Variants in UBR4 observed in about 807,000 individuals in gnomAD.
UBR4 encodes E3 ubiquitin-protein ligase UBR4.
A neutral mutation model predicts 575.6 loss-of-function variants in UBR4; 124 were observed. The observed-to-expected ratio is 0.22, with a 90% confidence interval of 0.19 to 0.25. The LOEUF is 0.25. Among genes scored for constraint, UBR4 ranks in the 10% least tolerant of loss-of-function variants. The pLI, the probability that UBR4 is intolerant of heterozygous loss-of-function variation, is 1.00. For missense variants in UBR4, 4,818 were observed against 6,478.8 expected, an observed-to-expected ratio of 0.74 and a Z score of 8.80; for synonymous variants, 2,455 against 2,473.7, an observed-to-expected ratio of 0.99 and a Z score of 0.22.
rs778766025 is a variant in UBR4 at position 19,174,993 on chromosome 1, T to C, written c.2814A>G (p.Pro938=). 1.1e-5 allele frequency: 18 copies of C among 1,614,016 alleles called. No homozygotes were observed. Among genetic ancestry groups the C allele is most frequent in the Middle Eastern group, 3.3e-4 (2 of 6,060 alleles). The change falls in exon 21 of 106, where the codon CCA becomes CCG. Residue 938 remains proline, a synonymous_variant. Coordinates refer to ENST00000375254, the MANE Select transcript of UBR4 (RefSeq NM_020765.3). ...GGTTCAAATCATCCTCTGAGGCTTCTGGGGACAGGACACAGTAGAATCTGG... is the reference window on the plus strand; with the variant it reads ...GGTTCAAATCATCCTCTGAGGCTTCCGGGGACAGGACACAGTAGAATCTGG... ...PHPRFYCVLS[P]EASEDDLNRL...
At chr1:19,085,453 CG>C (rs1395370674) in intron 101 of UBR4, among the ~76,000 whole-genome samples, 2 of 152,180 alleles carry the variant, frequency 1.3e-5, no homozygotes, top group African/African-American at 2.4e-5. Context: ...ACCTGGGAGG[CG>C]GAGGCTGCAG....
At chr1:19,158,124 C>T (rs1255791743) in intron 39 of UBR4, 127 bp from the exon 40 acceptor site, 3 of 945,718 alleles carry the variant, frequency 3.2e-6, no homozygotes, top group Non-Finnish European at 4.7e-6. Flanking sequence ...TTTCGGCCTC[C>T]AAACCGTGGA....
chr1:19,157,667 G>T lies in UBR4; in HGVS notation c.5760+148C>A. 9.8e-7 allele frequency: 1 copy of T among 1,022,174 alleles called. No individual in the cohort carries two copies. The highest frequency in any genetic ancestry group is 1.4e-6 in the Non-Finnish European group (1 of 720,908). The allele number at this position is 1,022,174 out of a possible 1,614,324, so 63.3% of individuals were successfully genotyped here. A position where few individuals can be genotyped will look rare whatever the true frequency, so the allele number is the denominator to read the frequency against. ...AATTCAGGGTTCAAGTATTTGAAAA[G>T]CTCAACAAGATCTGTCCCTGAAGCA... On this transcript the variant is annotated intron_variant, in intron 40 of 105. Coordinates refer to ENST00000375254, the MANE Select transcript of UBR4 (RefSeq NM_020765.3). The surrounding 1 kb of genome is among the most constrained non-coding windows in gnomAD (Gnocchi z 4.4).
In UBR4 at chr1:19,105,855, G is replaced by T. The variant is rs774445449; in HGVS notation, c.12394-13C>A. On this transcript the variant is annotated splice_polypyrimidine_tract_variant and intron_variant, in intron 83 of 105. Transcript: ENST00000375254. ...GAGTGAAAAGCACCTGCAGGACAGG[G>T]GAGAGAAGGGGTCGTAGACTCAGAG... The T allele has an allele frequency of 3.2e-6, 5 of 1,563,034 alleles. No individual in the cohort carries two copies. In the African/African-American group the frequency reaches 6.9e-5, roughly 21 times the overall value.
rs927610353 is a variant in UBR4, at chr1:19,161,095, G to A, written c.5228C>T (p.Ser1743Leu). ...SSGMSSTMKE[S>L]AFQSEPRISE... ...AATCCTGGGTTCACTCTGAAATGCC[G>A]ACTCCTTCATGGTAGAGCTCATGCC... Residue 1743 changes from serine (S) to leucine (L), a missense_variant, in exon 38 of 106, where the codon TCG (serine) becomes TTG (leucine). By Grantham distance (145) the Ser-to-Leu change is moderately radical. Transcript: ENST00000375254. 5.6e-6 allele frequency: 9 copies of A among 1,614,068 alleles called. No homozygotes were observed. The highest frequency in any genetic ancestry group is 4.0e-5 in the African/African-American group (3 of 75,022).
intron 97 of UBR4, among the ~76,000 whole-genome samples, chr1:19,090,887 G>C (rs995476793): frequency 2.0e-5 from 3 of 152,170 alleles, no homozygotes; most frequent in African/African-American, 7.2e-5. Context: ...CTGAGGTCAG[G>C]AGTTGGAGAC....
intron 99 of UBR4, 149 bp from the exon 100 acceptor site, chr1:19,086,970 C>G: frequency 8.8e-7 from 1 of 1,133,200 alleles, no homozygotes; most frequent in Non-Finnish European, 1.2e-6. Context: ...GCAGGTAAGG[C>G]CAGCCCCTCA....
intron 55 of UBR4, 69 bp downstream of exon 55, chr1:19,143,911 G>C: frequency 3.5e-6 from 5 of 1,436,078 alleles, no homozygotes; most frequent in Non-Finnish European, 4.9e-6. Context: ...CATGCCCAAT[G>C]CTACTGTACC....
At chr1:19,155,382 A>ATTCC in intron 43 of UBR4, 59 bp downstream of exon 43, 1 of 1,476,588 alleles carries the variant, frequency 6.8e-7, no homozygotes, top group Non-Finnish European at 9.3e-7. Context: ...AAAAAAGAAT[A>ATTCC]GAGGAGTTGC....
Position 19,157,984 on chromosome 1 carries a change from C to A in UBR4, c.5591G>T (p.Gly1864Val). 6.2e-7 allele frequency: 1 copy of A among 1,611,460 alleles called. No individual in the cohort carries two copies. The highest frequency in any genetic ancestry group is 8.5e-7 in the Non-Finnish European group (1 of 1,178,006). Residue 1864 changes from glycine to valine, a missense_variant, in exon 40 of 106, where the codon GGG becomes GTG. Gly to Val is a moderately radical substitution (Grantham distance 109). Transcript: ENST00000375254. This position sits in a 1 kb window ranked among gnomAD's most constrained non-coding sequence, Gnocchi z 4.4. ...MTDQLMVPTLGSQEGAFENVR... is the reference protein window; with the variant it reads ...MTDQLMVPTLVSQEGAFENVR... Reference sequence around the variant, plus strand: ...ATTCTCAAAGGCACCTTCCTGGGACCCTAAGGTGGGAACCTGGCAAAGAAG... The same window carrying A: ...ATTCTCAAAGGCACCTTCCTGGGACACTAAGGTGGGAACCTGGCAAAGAAG...
chr1:19,149,190 G>C (rs571481899), intron 49 of UBR4, among the ~76,000 whole-genome samples: 1 of 152,150 alleles, frequency 6.6e-6, no homozygotes, highest in Admixed American at 6.5e-5. Context: ...CCTTAGGAAA[G>C]GAATAGGAAA....
chr1:19,153,337 T>C lies in UBR4; in HGVS notation c.6796A>G (p.Met2266Val), dbSNP rs761894834. ...GTTTTGCGCTTTCGAACAGGCTTCA[T>C]GATGCTGATGACACTGCTGGGCTGC... ...SLQPSSVISI[M>V]KPVRKRKTAT... Residue 2266 changes from methionine (M) to valine (V), a missense_variant, in exon 46 of 106, where the codon ATG (methionine) becomes GTG (valine). Met to Val is a conservative substitution (Grantham distance 21). Around this residue, in one of 29 missense-constraint regions of UBR4, gnomAD observed 461 missense variants for 606.9 expected, o/e 0.76. Transcript: ENST00000375254. The surrounding 1 kb of genome is among the most constrained non-coding windows in gnomAD (Gnocchi z 4.1). 2 of 1,614,228 alleles carry C rather than the reference T, an allele frequency of 1.2e-6. No homozygotes were observed. The highest frequency in any genetic ancestry group is 1.7e-6 in the Non-Finnish European group (2 of 1,180,036).
At chr1:19,141,203 C>G in intron 57 of UBR4, 144 bp downstream of exon 57, 1 of 1,120,770 alleles carries the variant, frequency 8.9e-7, no homozygotes, top group Non-Finnish European at 1.3e-6. Context: ...TCACTCTCCA[C>G]CTGTATCTCT....
intron 83 of UBR4, 47 bp from the exon 84 acceptor site, chr1:19,105,889 G>T: frequency 7.1e-7 from 1 of 1,409,060 alleles, no homozygotes; most frequent in Non-Finnish European, 9.4e-7. Context: ...AGGATGCCCT[G>T]CCTCACCAGG....
At chr1:19,172,822 T>G (rs1430659012) in intron 25 of UBR4, 42 bp downstream of exon 25, 1 of 1,570,964 alleles carries the variant, frequency 6.4e-7, no homozygotes, top group African/African-American at 1.4e-5. Flanking sequence ...CTGCACGGAG[T>G]GAAGAGTGCA....
intron 101 of UBR4, 35 bp from the exon 102 acceptor site, chr1:19,084,733 T>C (rs781377223): frequency 6.4e-7 from 1 of 1,568,116 alleles, no homozygotes; most frequent in Non-Finnish European, 8.7e-7. Flanking sequence ...GAAATGGAAG[T>C]GAGTTCCTGG....
intron 25 of UBR4, among the ~76,000 whole-genome samples, chr1:19,172,281 C>T (rs1299384342): frequency 6.6e-6 from 1 of 151,922 alleles, no homozygotes; most frequent in East Asian, 1.9e-4. Flanking sequence ...CTTTGGGAGG[C>T]TGAGGTGGGT....
chr1:19,199,596 A>T lies in UBR4; in HGVS notation c.378+55T>A, dbSNP rs1429832309. 2.0e-6 allele frequency: 3 copies of T among 1,504,036 alleles called. No individual in the cohort carries two copies. The East Asian group carries it at 6.8e-5, about 34-fold the overall frequency. 93.2% of individuals were successfully genotyped at this position (1,504,036 alleles called of 1,614,324 possible). On this transcript the variant is annotated intron_variant, in intron 3 of 105. Transcript: ENST00000375254. ...TCACTGACCTCTACTCTATTCCACTAGTCAGTCACAACACTGCTTCAGAAT... is the reference window on the plus strand; with the variant it reads ...TCACTGACCTCTACTCTATTCCACTTGTCAGTCACAACACTGCTTCAGAAT...
chr1:19,207,080 G>A (rs77502348), intron 1 of UBR4, among the ~76,000 whole-genome samples: 2,989 of 152,294 alleles, frequency 0.02, 41 homozygotes, highest in South Asian at 0.055. Flanking sequence ...GACTGCAACA[G>A]AAAAACAGAT....
Sources: gnomAD v4.1 joint callset for allele counts (sites outside exome capture counted in the v4.1 genomes callset) on GRCh38, gnomAD v4.1.1 for gene constraint, gnomAD v4.1.1 regional missense constraint, Gnocchi (gnomAD v3.1) non-coding constraint, MANE v1.5 for transcripts, NCBI Gene and HGNC (gene_info 2026-07-23, HGNC 2026-07-21) for gene names.